The following CELSR2 variants were observed in gnomAD, a reference collection of about 807,000 sequenced individuals.
The protein encoded by CELSR2 is EGF-like protein 2.
CELSR2 carries 81 observed loss-of-function variants against 251.6 expected under a neutral mutation model. That is an observed-to-expected ratio of 0.32 (90% CI 0.27 to 0.39). CELSR2 has a LOEUF of 0.39. CELSR2 is among the 10% of genes least tolerant of loss of function. The probability of loss-of-function intolerance (pLI) is 1.00; values close to 1 mark genes in which losing one functional copy is unlikely to be tolerated. For synonymous variants in CELSR2, 1,721 were observed against 1,670.5 expected (o/e 1.03, Z -0.74); for missense variants, 3,365 against 3,947.7 (o/e 0.85, Z 3.96).
Position 109,265,002 on chromosome 1 carries a change from GAGACCAGGTAAGC to G in CELSR2, c.5606+2_5606+14del. 1 of 1,614,180 alleles carries G rather than the reference GAGACCAGGTAAGC, an allele frequency of 6.2e-7. No individual in the cohort carries two copies. Among genetic ancestry groups the G allele is most frequent in the Non-Finnish European group, 8.5e-7 (1 of 1,180,028 alleles). On this transcript the variant is annotated splice_donor_variant and splice_donor_5th_base_variant and coding_sequence_variant and intron_variant, in exon 12 of 34. Transcript: ENST00000271332. LOFTEE classifies it high-confidence loss of function. ...CCCAAATTACCTTGGGCCATACTGT[GAGACCAGGTAAGC>G]AGACCAGGGCATGTGGCAGCAGGTC... is the stretch of plus-strand genomic sequence containing the variant.
In CELSR2 at chr1:109,251,389, G is replaced by A; in HGVS notation, c.1310G>A (p.Ser437Asn). 1.2e-6 allele frequency: 2 copies of A among 1,614,084 alleles called. No individual in the cohort carries two copies. Among genetic ancestry groups the A allele is most frequent in the Non-Finnish European group, 1.7e-6 (2 of 1,180,044 alleles). ...DKGSNAVVHY[S>N]IMSGNARGQF... The stretch of plus-strand genomic sequence containing the variant: ...GGGAGCAATGCCGTGGTGCACTATA[G>A]CATCATGAGTGGCAATGCTCGGGGA... Residue 437 changes from serine to asparagine, a missense_variant, in exon 1 of 34, where the codon AGC (serine) becomes AAC (asparagine). This residue lies in a region of CELSR2 where 704 missense variants were observed against 784.1 expected (regional missense o/e 0.90). Transcript: ENST00000271332. This position sits in a 1 kb window ranked among gnomAD's most constrained non-coding sequence, Gnocchi z 4.9.
intron 2 of CELSR2, 25 bp downstream of exon 2, chr1:109,259,104 G>A (rs1338111998): frequency 1.3e-6 from 2 of 1,533,974 alleles, no homozygotes. Context: ...GGGACTCATG[G>A]GCCAGCCCTG....
intron 18 of CELSR2, 58 bp downstream of exon 18, chr1:109,268,822 G>A (rs1656281158): frequency 2.5e-6 from 4 of 1,582,850 alleles, no homozygotes; most frequent in Non-Finnish European, 3.5e-6. Flanking sequence ...GACAAGAGCG[G>A]CTGTGCTGGG....
At chr1:109,267,412 G>A in intron 15 of CELSR2, 136 bp from the exon 16 acceptor site, 1 of 716,374 alleles carries the variant, frequency 1.4e-6, no homozygotes, top group South Asian at 1.9e-5. Flanking sequence ...CTGTCTTCCT[G>A]TTTCACCAGG....
chr1:109,263,168 G>C lies in CELSR2; in HGVS notation c.4735G>C (p.Asp1579His). The C allele has an allele frequency of 6.3e-7, 1 of 1,599,802 alleles. No homozygotes were observed. The highest frequency in any genetic ancestry group is 8.6e-7 in the Non-Finnish European group (1 of 1,168,382). ...PGCPAKKNVC[D>H]SNTCHNGGTC... is the part of the protein sequence containing the mutation. ...CTGCCCTGCCAAGAAGAACGTGTGTGACAGCAACACTTGCCACAATGGGGG... is the reference window on the plus strand; with the variant it reads ...CTGCCCTGCCAAGAAGAACGTGTGTCACAGCAACACTTGCCACAATGGGGG... The change falls in exon 8 of 34, where the codon GAC (aspartate) becomes CAC (histidine). Residue 1579 changes from aspartate to histidine, a missense_variant. By Grantham distance (81) the Asp-to-His change is moderately conservative. This residue lies in a region of CELSR2 where 2,093 missense variants were observed against 2,382.8 expected (regional missense o/e 0.88). Coordinates refer to ENST00000271332, the MANE Select transcript of CELSR2 (RefSeq NM_001408.3).
intron 11 of CELSR2, 25 bp downstream of exon 11, chr1:109,264,653 G>A (rs777620288): frequency 4.4e-6 from 7 of 1,602,766 alleles, no homozygotes; most frequent in Non-Finnish European, 6.0e-6. Flanking sequence ...CAGGGCAACG[G>A]GCAGGTTATC....
chr1:109,251,317 C>T lies in CELSR2; in HGVS notation c.1238C>T (p.Thr413Ile). ...RYVVQVREDV[T>I]PGAPVLRVTA... ...GTGGTCCAGGTGAGGGAGGATGTGA[C>T]TCCAGGGGCCCCAGTACTCCGAGTC... The change falls in exon 1 of 34, where the codon ACT becomes ATT. Residue 413 changes from threonine (T) to isoleucine (I), a missense_variant. Around this residue, in one of 5 missense-constraint regions of CELSR2, gnomAD observed 704 missense variants for 784.1 expected, o/e 0.90. Transcript: ENST00000271332. This position sits in a 1 kb window ranked among gnomAD's most constrained non-coding sequence, Gnocchi z 4.9. 6.2e-7 allele frequency: 1 copy of T among 1,614,148 alleles called. No homozygotes were observed. Among genetic ancestry groups the T allele is most frequent in the Non-Finnish European group, 8.5e-7 (1 of 1,180,030 alleles).
At chr1:109,273,891 A>C in intron 33 of CELSR2, 131 bp from the exon 34 acceptor site, 1 of 1,303,944 alleles carries the variant, frequency 7.7e-7, no homozygotes, top group Middle Eastern at 1.8e-4. Context: ...AGCCTAGGGC[A>C]GAGTGCGGGA....
In CELSR2 at chr1:109,269,101, C is replaced by T. The variant is rs776840841; in HGVS notation, c.6632-9C>T. 2 of 1,598,286 alleles carry T rather than the reference C, an allele frequency of 1.3e-6. No homozygotes were observed. The highest frequency in any genetic ancestry group is 1.3e-5 in the African/African-American group (1 of 74,406). On this transcript the variant is annotated splice_polypyrimidine_tract_variant and intron_variant, in intron 19 of 33. Transcript: ENST00000271332. The surrounding 1 kb of genome is among the most constrained non-coding windows in gnomAD (Gnocchi z 6.4). Reference sequence around the variant, plus strand: ...GGGCCCAGCTAAGTGTGACAGTGTCCCCTCCCAGAGACGCCCCCCGTGGTC... The same window carrying T: ...GGGCCCAGCTAAGTGTGACAGTGTCTCCTCCCAGAGACGCCCCCCGTGGTC...
In CELSR2 at chr1:109,269,474, A is replaced by G; in HGVS notation, c.6863A>G (p.His2288Arg). ...INTPVVSISV[H>R]DDEELLPRAL... is the part of the protein sequence containing the mutation. ...ACACCCGTGGTGAGCATCAGCGTCCATGATGATGAGGAGCTTCTGCCCCGG... is the reference window on the plus strand; with the variant it reads ...ACACCCGTGGTGAGCATCAGCGTCCGTGATGATGAGGAGCTTCTGCCCCGG... Residue 2288 changes from histidine (H) to arginine (R), a missense_variant, in exon 21 of 34, where the codon CAT (histidine) becomes CGT (arginine). By Grantham distance (29) the His-to-Arg change is conservative. Transcript: ENST00000271332. The surrounding 1 kb of genome is among the most constrained non-coding windows in gnomAD (Gnocchi z 6.4). The G allele has an allele frequency of 6.2e-7, 1 of 1,614,094 alleles. No individual in the cohort carries two copies. The highest frequency in any genetic ancestry group is 8.5e-7 in the Non-Finnish European group (1 of 1,180,012).
At chr1:109,271,148 G>A (rs1480187375) in intron 25 of CELSR2, 69 bp from the exon 26 acceptor site, 19 of 1,548,064 alleles carry the variant, frequency 1.2e-5, no homozygotes, top group African/African-American at 5.5e-5. Context: ...CTGAGGCCAC[G>A]GGGCCCTGTG....
In CELSR2 at chr1:109,258,858, T is replaced by C; in HGVS notation, c.3737T>C (p.Val1246Ala). Residue 1246 changes from valine (V) to alanine (A), a missense_variant, in exon 2 of 34, where the codon GTG (valine) becomes GCG (alanine). Physicochemically the swap from Val to Ala is moderately conservative, Grantham distance 64. Around this residue, in one of 5 missense-constraint regions of CELSR2, gnomAD observed 2,093 missense variants for 2,382.8 expected, o/e 0.88. Coordinates refer to ENST00000271332, the MANE Select transcript of CELSR2 (RefSeq NM_001408.3). Reference sequence around the variant, plus strand: ...GAGAACTACATGCGCTGCGTGTCGGTGCTGCGCTTCGACTCCTCCGCGCCC... The same window carrying C: ...GAGAACTACATGCGCTGCGTGTCGGCGCTGCGCTTCGACTCCTCCGCGCCC... ...PCENYMRCVS[V>A]LRFDSSAPFI... 1 of 1,612,472 alleles carries C rather than the reference T, an allele frequency of 6.2e-7. No homozygotes were observed. The highest frequency in any genetic ancestry group is 8.5e-7 in the Non-Finnish European group (1 of 1,179,388).
rs1274586104 is a variant in CELSR2, at chr1:109,261,126, T to A, written c.4043T>A (p.Val1348Glu). Reference protein sequence around the residue: ...KNGGTCVNLLVGGFKCDCPSG... With the variant: ...KNGGTCVNLLEGGFKCDCPSG... ...GGGGGCACCTGTGTCAACCTGCTGG[T>A]GGGCGGTTTCAAGTGCGATTGCCCA... The change falls in exon 3 of 34, where the codon GTG becomes GAG. Residue 1348 changes from valine (V) to glutamate (E), a missense_variant. Val to Glu is a moderately radical substitution (Grantham distance 121). Around this residue, in one of 5 missense-constraint regions of CELSR2, gnomAD observed 2,093 missense variants for 2,382.8 expected, o/e 0.88. Coordinates refer to ENST00000271332, the MANE Select transcript of CELSR2 (RefSeq NM_001408.3). The surrounding 1 kb of genome is among the most constrained non-coding windows in gnomAD (Gnocchi z 4.8). 1 of 1,613,994 alleles carries A rather than the reference T, an allele frequency of 6.2e-7. No individual in the cohort carries two copies. The highest frequency in any genetic ancestry group is 8.5e-7 in the Non-Finnish European group (1 of 1,180,016).
At chr1:109,255,614 G>A (rs970779192) in intron 1 of CELSR2, among the ~76,000 whole-genome samples, 3 of 152,218 alleles carry the variant, frequency 2.0e-5, no homozygotes, top group African/African-American at 7.2e-5. Flanking sequence ...GAGGCTGACC[G>A]GGACCTGGCA....
intron 12 of CELSR2, 82 bp from the exon 13 acceptor site, chr1:109,265,109 G>A: frequency 6.3e-7 from 1 of 1,591,580 alleles, no homozygotes; most frequent in Non-Finnish European, 8.6e-7. Flanking sequence ...CACAGCCAGG[G>A]TCAGAAGGGC....
chr1:109,260,851 G>T (rs974195102), intron 2 of CELSR2, among the ~76,000 whole-genome samples, 191 bp from the exon 3 acceptor site: 1 of 152,200 alleles, frequency 6.6e-6, no homozygotes, highest in Non-Finnish European at 1.5e-5. Flanking sequence ...CAAACAGGGT[G>T]CCCATGAAGG....
rs553196153 is a variant in CELSR2, at chr1:109,264,770, A to C, written c.5465-98A>C. On this transcript the variant is annotated intron_variant, in intron 11 of 33. Coordinates refer to ENST00000271332, the MANE Select transcript of CELSR2 (RefSeq NM_001408.3). ...TACACAACAAAGCCATAGCCAGCTG[A>C]TAGGATGCTATGTGGAAAGAAACAG... The C allele has an allele frequency of 1.4e-5, 22 of 1,595,244 alleles. No homozygotes were observed. The South Asian group carries it at 2.2e-4, about 16-fold the overall frequency.
At chr1:109,255,007 C>A (rs1010106122) in intron 1 of CELSR2, among the ~76,000 whole-genome samples, 2 of 152,212 alleles carry the variant, frequency 1.3e-5, no homozygotes. Flanking sequence ...GAGAAGCGCC[C>A]CCATTAAGCC....
At chr1:109,273,695 C>A in intron 33 of CELSR2, 25 bp downstream of exon 33, 1 of 504,578 alleles carries the variant, frequency 2.0e-6, no homozygotes, top group Non-Finnish European at 3.5e-6. Flanking sequence ...GTGGGCGGGA[C>A]GGGGTGCAGC....
Sources: gnomAD v4.1 joint callset for allele counts (sites outside exome capture counted in the v4.1 genomes callset) on GRCh38, gnomAD v4.1.1 for gene constraint, gnomAD v4.1.1 regional missense constraint, Gnocchi (gnomAD v3.1) non-coding constraint, MANE v1.5 for transcripts, NCBI Gene and HGNC (gene_info 2026-07-23, HGNC 2026-07-21) for gene names.